Variants in LAT2 observed in about 807,000 individuals in gnomAD.
LAT2 encodes the protein linker for activation of T cells family member 2, also known as linker for activation of T-cells family member 2.
In LAT2, 23 loss-of-function variants were observed where a neutral mutation model predicts 43.4. That is an observed-to-expected ratio of 0.53 (90% CI 0.38 to 0.75). LAT2 has a LOEUF of 0.75. LAT2 is among the 30% of genes least tolerant of loss of function. LAT2 has a pLI of 0.00. For synonymous variants in LAT2, 128 were observed against 123.2 expected (o/e 1.04, Z -0.26); for missense variants, 284 against 310.2 (o/e 0.92, Z 0.64).
intron 13 of LAT2, 38 bp from the exon 14 acceptor site, chr7:74,228,906 G>A (rs1802592381): frequency 6.6e-6 from 1 of 152,206 alleles, no homozygotes; most frequent in Non-Finnish European, 1.5e-5. Context: ...TACTGATCAA[G>A]GCAAACCTCC....
Position 74,214,746 on chromosome 7 carries a change from T to C in LAT2, c.-218-76T>C, listed in dbSNP as rs868986205. Reference sequence around the variant, plus strand: ...AAATATAAATATATATAAAAATATATAAATATATATATATAAACATATATA... The same window carrying C: ...AAATATAAATATATATAAAAATATACAAATATATATATATAAACATATATA... On this transcript the variant is annotated intron_variant, in intron 1 of 13. Transcript: ENST00000460943. The C allele has an allele frequency of 3.4e-4, 33 of 95,826 alleles. 1 individual carries two copies. The South Asian group carries it at 8.9e-3, about 26-fold the overall frequency. 5.9% of individuals were successfully genotyped at this position (95,826 alleles called of 1,614,324 possible).
chr7:74,221,787 T>G, intron 10 of LAT2, 95 bp downstream of exon 10: 584 of 1,116,818 alleles, frequency 5.2e-4, no homozygotes, highest in Non-Finnish European at 6.8e-4. Context: ...TGGGCCTGGG[T>G]TCGGGTAAAT....
intron 1 of LAT2, among the ~76,000 whole-genome samples, chr7:74,211,405 T>G (rs536968260): frequency 6.6e-6 from 1 of 152,310 alleles, no homozygotes; most frequent in African/African-American, 2.4e-5. Flanking sequence ...CCCTTCCAAG[T>G]AGCTGGGGAC....
At position 74,224,076 on chromosome 7, in the gene LAT2, C is replaced by T. The variant is rs782125070; in HGVS notation, c.507C>T (p.Ala169=). The T allele has an allele frequency of 1.1e-5, 17 of 1,614,032 alleles. No homozygotes were observed. Among genetic ancestry groups the T allele is most frequent in the Non-Finnish European group, 1.4e-5 (16 of 1,180,022 alleles). Residue 169 remains alanine (A), a synonymous_variant, in exon 12 of 14, where the codon GCC becomes GCT. Coordinates refer to ENST00000460943, the MANE Select transcript of LAT2 (RefSeq NM_032464.3). ...LCRGDLSLSL[A]LKTGPTSGLC... ...GAGGGGACCTCAGCCTGTCACTGGC[C>T]CTGAAGACTGGCCCCACTTCTGGTC...
intron 13 of LAT2, among the ~76,000 whole-genome samples, chr7:74,227,952 G>T (rs1265243584): frequency 4.6e-5 from 7 of 151,190 alleles, no homozygotes; most frequent in African/African-American, 1.7e-4. Context: ...GAGGCAGGCT[G>T]ATCACCTGAG....
At chr7:74,216,779 C>T (rs560325171) in intron 3 of LAT2, 46 bp from the exon 4 acceptor site, 14 of 1,587,194 alleles carry the variant, frequency 8.8e-6, no homozygotes, top group South Asian at 6.7e-5. Context: ...GACCTCAGGT[C>T]GCAGCTGCTC....
At chr7:74,223,306 C>T (rs1802359819) in intron 10 of LAT2, among the ~76,000 whole-genome samples, 1 of 152,214 alleles carries the variant, frequency 6.6e-6, no homozygotes, top group Non-Finnish European at 1.5e-5. Flanking sequence ...GCCTGGGCAA[C>T]ACAGCGAGAT....
rs115415526 is a variant in LAT2, at chr7:74,212,978, C to T, written c.-218-1844C>T. Among the ~76,000 whole-genome samples the T allele has an allele frequency of 4.1e-3, 627 of 152,272 alleles. 1 individual carries two copies. Among genetic ancestry groups the T allele is most frequent in the African/African-American group, 0.014 (591 of 41,556 alleles). Reference sequence around the variant, plus strand: ...GCATGGAGATTCCCTGTCATCTTACCGCAGGGATTTGGGAAGTCCAGAGAG... The same window carrying T: ...GCATGGAGATTCCCTGTCATCTTACTGCAGGGATTTGGGAAGTCCAGAGAG... On this transcript the variant is annotated intron_variant, in intron 1 of 13. Transcript: ENST00000460943.
intron 1 of LAT2, among the ~76,000 whole-genome samples, chr7:74,214,003 C>CAGT (rs1801834756): frequency 7.0e-6 from 1 of 143,654 alleles, no homozygotes; most frequent in Admixed American, 7.5e-5. Context: ...GGCTGGAGTG[C>CAGT]AGTAGCATGA....
intron 1 of LAT2, 114 bp from the exon 2 acceptor site, chr7:74,214,708 T>TATGA (rs1393066791): frequency 9.9e-6 from 1 of 100,884 alleles, no homozygotes; most frequent in Non-Finnish European, 1.8e-5. Context: ...TAAATATATA[T>TATGA]AAATATATAT....
chr7:74,227,812 T>TG (rs1802545141), intron 13 of LAT2, among the ~76,000 whole-genome samples: 1 of 151,978 alleles, frequency 6.6e-6, no homozygotes, highest in African/African-American at 2.4e-5. Flanking sequence ...GTTGAGCTGC[T>TG]GTGTGAGCTG....
At position 74,214,899 on chromosome 7, in the gene LAT2, A is replaced by C. The variant is rs1184038769; in HGVS notation, c.-141A>C. 6.8e-6 allele frequency: 1 copy of C among 146,898 alleles called. No individual in the cohort carries two copies. Among genetic ancestry groups the C allele is most frequent in the Admixed American group, 7.0e-5 (1 of 14,346 alleles). 9.1% of individuals were successfully genotyped at this position (146,898 alleles called of 1,614,324 possible). A position where few individuals can be genotyped will look rare whatever the true frequency, so the allele number is the denominator to read the frequency against. ...CGATCCTCCCTGCCTCGGCCTCCCAACGTGCTGGGATTATAGGCGTGAGCC... is the reference window on the plus strand; with the variant it reads ...CGATCCTCCCTGCCTCGGCCTCCCACCGTGCTGGGATTATAGGCGTGAGCC... On this transcript the variant is annotated 5_prime_UTR_variant, in exon 2 of 14. Transcript: ENST00000460943.
chr7:74,226,957 C>T (rs939559394), intron 13 of LAT2, among the ~76,000 whole-genome samples: 2 of 146,808 alleles, frequency 1.4e-5, no homozygotes, highest in Admixed American at 6.8e-5. Flanking sequence ...TAGTGGAGGT[C>T]GAGGCCGTTG....
intron 1 of LAT2, 26 bp from the exon 2 acceptor site, chr7:74,214,783 ATATATATATTTTT>A (rs1801971440): frequency 1.2e-5 from 1 of 85,862 alleles, no homozygotes; most frequent in African/African-American, 5.6e-5. Context: ...ATAAATATAT[ATATATATATTTTT>A]TTTTTTTTTT....
At chr7:74,214,374 G>A (rs1425407552) in intron 1 of LAT2, among the ~76,000 whole-genome samples, 101 of 32,966 alleles carry the variant, frequency 3.1e-3, no homozygotes, top group East Asian at 0.012. Context: ...ATATATATAT[G>A]AAAATATATA....
At chr7:74,226,313 C>G (rs1554716123) in intron 13 of LAT2, 1 of 151,770 alleles carries the variant, frequency 6.6e-6, no homozygotes. Context: ...TCTATAAAAA[C>G]ATTTAAAATT....
rs1464734605 is a variant in LAT2, at chr7:74,214,671, T to TATGA, written c.-218-150_-218-149insTGAA. Among the ~76,000 whole-genome samples the TATGA allele has an allele frequency of 3.5e-4, 28 of 79,152 alleles. 2 individuals carry two copies. The highest frequency in any genetic ancestry group is 6.5e-4 in the East Asian group (2 of 3,096). The allele number at this position is 79,152 out of a possible 152,430, so 51.9% of individuals were successfully genotyped here. A position where few individuals can be genotyped will look rare whatever the true frequency, so the allele number is the denominator to read the frequency against. ...ATATATATATATGAAAATATATATATAAATATATATATGAAAATAATATAT... is the reference window on the plus strand; with the variant it reads ...ATATATATATATGAAAATATATATATATGAAAATATATATATGAAAATAATATAT... On this transcript the variant is annotated intron_variant, in intron 1 of 13. Transcript: ENST00000460943.
At chr7:74,224,575 G>C in intron 12 of LAT2, 64 bp from the exon 13 acceptor site, 1 of 1,393,902 alleles carries the variant, frequency 7.2e-7, no homozygotes, top group African/African-American at 1.4e-5. Flanking sequence ...TCTGAGTCTG[G>C]GGGAGCAGTC....
In LAT2 at chr7:74,224,145, T is replaced by C. The variant is rs782264776; in HGVS notation, c.576T>C (p.Asp192=). 6.2e-7 allele frequency: 1 copy of C among 1,614,172 alleles called. No individual in the cohort carries two copies. Among genetic ancestry groups the C allele is most frequent in the Middle Eastern group, 1.6e-4 (1 of 6,062 alleles). ...ASPEEDEESE[D]YQNSASIHQW... ...CGGAAGAAGATGAGGAATCTGAGGA[T>C]TATCAGAACTCAGCATCCATCCATC... Residue 192 remains aspartate, a synonymous_variant, in exon 12 of 14, where the codon GAT becomes GAC. Transcript: ENST00000460943.
Sources: gnomAD v4.1 joint callset for allele counts (sites outside exome capture counted in the v4.1 genomes callset) on GRCh38, gnomAD v4.1.1 for gene constraint, MANE v1.5 for transcripts, NCBI Gene and HGNC (gene_info 2026-07-23, HGNC 2026-07-21) for gene names.